Variants in UIMC1 observed in about 807,000 individuals in gnomAD.
UIMC1 encodes the protein ubiquitin interaction motif containing 1.
In UIMC1, 42 loss-of-function variants were observed where a neutral mutation model predicts 84.9. The observed-to-expected ratio is 0.49, with a 90% CI of 0.39 to 0.64. The LOEUF is 0.64. Ranked by LOEUF, UIMC1 falls within the 30% of genes least tolerant of loss-of-function variation. UIMC1 has a pLI of 0.00. For synonymous variants in UIMC1, 281 were observed against 293.0 expected, an observed-to-expected ratio of 0.96 and a Z score of 0.42; for missense variants, 825 against 847.6, an observed-to-expected ratio of 0.97 and a Z score of 0.33.
In UIMC1 at chr5:177,004,277, C is replaced by T. The variant is rs148328998; in HGVS notation, c.-9+2373G>A. ...CAGCAGATGATGGATCAATAAGAAG[C>T]ATTAAGTACAGGCTCCCCACAGATA... On this transcript the variant is annotated intron_variant, in intron 1 of 14. Coordinates refer to ENST00000511320, the MANE Select transcript of UIMC1 (RefSeq NM_001199298.2). 5.3e-5 allele frequency among the ~76,000 whole-genome samples: 8 copies of T among 152,276 alleles called. 2 individuals carry two copies. The highest frequency in any genetic ancestry group is 1.7e-4 in the African/African-American group (7 of 41,550).
At chr5:176,932,334 T>C (rs11739147) in intron 10 of UIMC1, among the ~76,000 whole-genome samples, 41,663 of 152,128 alleles carry the variant, frequency 0.27, 5,759 homozygotes, top group Middle Eastern at 0.35. Context: ...TGGTTTCCTC[T>C]GTCAAAAAAT....
rs749490377 is a variant in UIMC1 at position 176,923,005 on chromosome 5, T to G, written c.1598-11616A>C. On this transcript the variant is annotated intron_variant, in intron 10 of 14. Transcript: ENST00000511320. ...GTACTGTCTTTGGAGTCTAACTGCC[T>G]TTGAATCCTATGCCAGAGCAGGTAT... 4.6e-5 allele frequency among the ~76,000 whole-genome samples: 7 copies of G among 152,234 alleles called. No individual in the cohort carries two copies. In the South Asian group the frequency reaches 1.4e-3, roughly 32 times the overall value.
chr5:176,996,646 A>T (rs1773651976), intron 1 of UIMC1, among the ~76,000 whole-genome samples: 1 of 152,144 alleles, frequency 6.6e-6, no homozygotes, highest in Non-Finnish European at 1.5e-5. Context: ...CACACCTAGG[A>T]TCAACTCCCC....
chr5:176,958,264 A>C (rs1766865655), intron 6 of UIMC1, 110 bp from the exon 7 acceptor site: 3 of 848,672 alleles, frequency 3.5e-6, no homozygotes, highest in Non-Finnish European at 3.5e-6. Flanking sequence ...AATTAACAAT[A>C]AGAAGAAAAT....
chr5:176,973,486 C>T (rs1769577029), intron 3 of UIMC1, among the ~76,000 whole-genome samples: 1 of 150,520 alleles, frequency 6.6e-6, no homozygotes, highest in South Asian at 2.1e-4. Context: ...GTGGCTCATG[C>T]CTATAATTGC....
Position 176,975,313 on chromosome 5 carries a change from G to GC in UIMC1, c.232+82dup. ...TTGAATCTATCAGAGACCTAAGAAT[G>GC]CAACATAATCAACTAGTCCAAAATG... is the stretch of plus-strand genomic sequence containing the variant. On this transcript the variant is annotated intron_variant, in intron 3 of 14. Coordinates refer to ENST00000511320, the MANE Select transcript of UIMC1 (RefSeq NM_001199298.2). 11 of 1,343,990 alleles carry GC rather than the reference G, an allele frequency of 8.2e-6. 1 individual carries two copies. In the South Asian group the frequency reaches 1.4e-4, roughly 17 times the overall value. The allele number at this position is 1,343,990 out of a possible 1,614,324, so 83.3% of individuals were successfully genotyped here.
chr5:176,965,405 CAG>C (rs1038021752), intron 6 of UIMC1, among the ~76,000 whole-genome samples: 4 of 150,062 alleles, frequency 2.7e-5, no homozygotes, highest in Middle Eastern at 3.2e-3. Flanking sequence ...CTGCGCAACA[CAG>C]AGAGACTCCA....
intron 3 of UIMC1, among the ~76,000 whole-genome samples, chr5:176,972,822 A>G (rs1304169687): frequency 2.0e-5 from 3 of 152,228 alleles, no homozygotes; most frequent in Non-Finnish European, 4.4e-5. Flanking sequence ...CAATACCGAC[A>G]ATAAAAGAGG....
At chr5:176,964,683 A>C (rs1291052098) in intron 6 of UIMC1, among the ~76,000 whole-genome samples, 1 of 152,200 alleles carries the variant, frequency 6.6e-6, no homozygotes, top group Non-Finnish European at 1.5e-5. Context: ...AAAAATAGGT[A>C]ATATTCTTTA....
Position 176,998,708 on chromosome 5 carries a change from G to A in UIMC1, c.-9+7942C>T, listed in dbSNP as rs538686326. On this transcript the variant is annotated intron_variant, in intron 1 of 14. Transcript: ENST00000511320. ...CTTGAACCCGGGCGGTGGAGGTTGC[G>A]GTGAGCCAAGATCATGCCATTGCAC... Among the ~76,000 whole-genome samples, 11 of 151,888 alleles carry A rather than the reference G, an allele frequency of 7.2e-5. No homozygotes were observed. The South Asian group carries it at 1.5e-3, about 20-fold the overall frequency.
intron 6 of UIMC1, among the ~76,000 whole-genome samples, chr5:176,964,196 ATTCT>A (rs1767962414): frequency 1.3e-5 from 2 of 152,246 alleles, no homozygotes. Flanking sequence ...TAACAAACGA[ATTCT>A]TTCTACCCAC....
intron 1 of UIMC1, chr5:177,001,379 G>A (rs1283876399): frequency 1.3e-5 from 2 of 152,142 alleles, no homozygotes; most frequent in East Asian, 1.9e-4. Flanking sequence ...TGAATAACTA[G>A]TGAAAGAAAT....
intron 9 of UIMC1, among the ~76,000 whole-genome samples, chr5:176,946,729 G>C (rs1050534258): frequency 6.6e-6 from 1 of 151,964 alleles, no homozygotes. Flanking sequence ...CAGCTACTTA[G>C]GTGGTTGAGG....
At chr5:176,947,167 C>T (rs1765230235) in intron 9 of UIMC1, among the ~76,000 whole-genome samples, 1 of 152,142 alleles carries the variant, frequency 6.6e-6, no homozygotes, top group Admixed American at 6.6e-5. Flanking sequence ...TGTTCATAGG[C>T]AACCCTGAAG....
At chr5:176,928,047 T>C (rs1429843601) in intron 10 of UIMC1, among the ~76,000 whole-genome samples, 1 of 152,152 alleles carries the variant, frequency 6.6e-6, no homozygotes, top group Non-Finnish European at 1.5e-5. Flanking sequence ...TTTCACCATG[T>C]TGGCCAGGCT....
intron 3 of UIMC1, among the ~76,000 whole-genome samples, chr5:176,971,073 A>C (rs1769129715): frequency 6.6e-6 from 1 of 152,266 alleles, no homozygotes. Context: ...TCTTGGGTTA[A>C]CTAGGCTGTA....
intron 1 of UIMC1, chr5:177,006,440 T>C (rs1357740147): frequency 6.6e-6 from 1 of 151,930 alleles, no homozygotes; most frequent in African/African-American, 2.4e-5. Flanking sequence ...CACCCCCGAC[T>C]TCGGCAAGGC....
chr5:176,994,594 C>T (rs1474388160), intron 1 of UIMC1, among the ~76,000 whole-genome samples: 2 of 151,586 alleles, frequency 1.3e-5, no homozygotes, highest in Admixed American at 1.3e-4. Context: ...GAGACCAATG[C>T]GTGGAACAGG....
chr5:177,011,824 G>A (rs1338871214), intron 1 of UIMC1, among the ~76,000 whole-genome samples: 1 of 150,168 alleles, frequency 6.7e-6, no homozygotes, highest in East Asian at 1.9e-4. Flanking sequence ...TTTTTGAGAC[G>A]GAATCTCGCT....
Sources: gnomAD v4.1 joint callset for allele counts (sites outside exome capture counted in the v4.1 genomes callset) on GRCh38, gnomAD v4.1.1 for gene constraint, MANE v1.5 for transcripts, NCBI Gene and HGNC (gene_info 2026-07-23, HGNC 2026-07-21) for gene names.